Variants in SETDB1 observed in about 807,000 individuals in gnomAD.
SETDB1 encodes SET domain bifurcated histone lysine methyltransferase 1.
SETDB1 carries 31 observed loss-of-function variants against 137.4 expected under a neutral mutation model. That is an observed-to-expected ratio of 0.23 (90% CI 0.17 to 0.30). The LOEUF (loss-of-function observed/expected upper bound fraction) is 0.30. SETDB1 is among the 10% of genes least tolerant of loss of function. SETDB1 has a pLI of 1.00. For missense variants in SETDB1, 1,113 were observed against 1,631.5 expected (o/e 0.68, Z 5.47); for synonymous variants, 548 against 579.9 (o/e 0.95, Z 0.79).
intron 12 of SETDB1, among the ~76,000 whole-genome samples, 182 bp downstream of exon 12, chr1:150,949,707 G>T (rs1489398451): frequency 6.6e-6 from 1 of 152,124 alleles, no homozygotes; most frequent in Non-Finnish European, 1.5e-5. Flanking sequence ...TAATTGAATT[G>T]GAAGCTGGGT....
chr1:150,941,880 G>A (rs998830139), intron 5 of SETDB1, among the ~76,000 whole-genome samples: 8 of 152,162 alleles, frequency 5.3e-5, no homozygotes, highest in South Asian at 2.1e-4. Context: ...GGTGGCTCAC[G>A]CCTGTAATCC....
chr1:150,943,123 C>A, intron 7 of SETDB1, 70 bp downstream of exon 7: 3 of 1,052,844 alleles, frequency 2.8e-6, no homozygotes, highest in Non-Finnish European at 4.3e-6. Context: ...GTGCCATAGA[C>A]CAGATACCAC....
intron 16 of SETDB1, 112 bp downstream of exon 16, chr1:150,961,303 G>A: frequency 8.8e-7 from 1 of 1,140,758 alleles, no homozygotes; most frequent in East Asian, 2.6e-5. Context: ...GGATATTTCT[G>A]TGGCCACCTC....
intron 19 of SETDB1, 72 bp from the exon 20 acceptor site, chr1:150,963,458 A>G: frequency 1.6e-6 from 2 of 1,225,086 alleles, no homozygotes; most frequent in South Asian, 2.8e-5. Flanking sequence ...ATAGGGGTAG[A>G]ATGTCCATTC....
chr1:150,929,949 C>T lies in SETDB1; in HGVS notation c.261-18C>T. The T allele has an allele frequency of 6.2e-7, 1 of 1,608,084 alleles. No individual in the cohort carries two copies. Among genetic ancestry groups the T allele is most frequent in the East Asian group, 2.2e-5 (1 of 44,782 alleles). ...CCTCTACTGGCTTTGACCTTTTCTG[C>T]ATGTGTTCCAATATTAGGGCAGTGA... is the stretch of plus-strand genomic sequence containing the variant. On this transcript the variant is annotated intron_variant, in intron 2 of 21. Transcript: ENST00000692827.
chr1:150,944,262 T>C (rs1316069610), intron 8 of SETDB1, among the ~76,000 whole-genome samples: 1 of 152,198 alleles, frequency 6.6e-6, no homozygotes, highest in East Asian at 1.9e-4. Flanking sequence ...GTTATAGATG[T>C]GCTTCAATTT....
intron 3 of SETDB1, among the ~76,000 whole-genome samples, chr1:150,930,648 C>T (rs900875757): frequency 6.7e-6 from 1 of 149,708 alleles, no homozygotes; most frequent in Non-Finnish European, 1.5e-5. Context: ...CTGCTTCGAC[C>T]TCCCAACTAG....
chr1:150,961,026 T>C lies in SETDB1; in HGVS notation c.2967T>C (p.Asn989=). The part of the protein sequence containing the change: ...KNKVASWLSC[N]SVSEGGFADS... ...AGGTGGCCTCATGGTTGAGCTGCAA[T>C]AGTGTCAGTGAAGGTGGTTTTGCTG... Residue 989 remains asparagine, a synonymous_variant, in exon 16 of 22, where the codon AAT becomes AAC. Transcript: ENST00000692827. The C allele has an allele frequency of 6.2e-7, 1 of 1,613,828 alleles. No homozygotes were observed. The highest frequency in any genetic ancestry group is 8.5e-7 in the Non-Finnish European group (1 of 1,179,996).
chr1:150,957,268 T>G (rs1670671332), intron 14 of SETDB1, among the ~76,000 whole-genome samples: 1 of 152,158 alleles, frequency 6.6e-6, no homozygotes, highest in Non-Finnish European at 1.5e-5. Context: ...CTTGGGAGGC[T>G]GAGGCAGGAG....
intron 16 of SETDB1, chr1:150,961,787 G>C (rs1252578109): frequency 3.4e-6 from 1 of 293,284 alleles, no homozygotes; most frequent in Non-Finnish European, 6.4e-6. Context: ...TCACATCATT[G>C]TTTCCTTCTA....
chr1:150,930,957 G>A (rs1041015384), intron 3 of SETDB1, among the ~76,000 whole-genome samples: 4 of 151,740 alleles, frequency 2.6e-5, no homozygotes, highest in Non-Finnish European at 5.9e-5. Flanking sequence ...TCAGTACAGT[G>A]TTGAATAAGT....
chr1:150,936,887 G>A (rs890855629), intron 3 of SETDB1, among the ~76,000 whole-genome samples: 1 of 152,332 alleles, frequency 6.6e-6, no homozygotes, highest in Admixed American at 6.5e-5. Flanking sequence ...CACTTTGGGA[G>A]GCCGAGGCGG....
chr1:150,949,257 C>G lies in SETDB1; in HGVS notation c.1403C>G (p.Ser468Cys). 1.2e-6 allele frequency: 2 copies of G among 1,613,842 alleles called. No homozygotes were observed. Among genetic ancestry groups the G allele is most frequent in the Non-Finnish European group, 1.7e-6 (2 of 1,179,878 alleles). Residue 468 changes from serine (S) to cysteine (C), a missense_variant, in exon 11 of 22, where the codon TCC becomes TGC. Around this residue, in one of 11 missense-constraint regions of SETDB1, gnomAD observed 192 missense variants for 198.1 expected, o/e 0.97. Coordinates refer to ENST00000692827, the MANE Select transcript of SETDB1 (RefSeq NM_001366418.1). ...CCTTTCCCACCTGCTCCACCTCTATCCCCCCAAGCAGGTGACAGTGAGTGA... is the reference window on the plus strand; with the variant it reads ...CCTTTCCCACCTGCTCCACCTCTATGCCCCCAAGCAGGTGACAGTGAGTGA... ...APPFPPAPPL[S>C]PQAGDSESLE...
At chr1:150,951,269 C>T (rs1670483258) in intron 13 of SETDB1, 96 bp from the exon 14 acceptor site, 1 of 1,128,318 alleles carries the variant, frequency 8.9e-7, no homozygotes. Flanking sequence ...TGGAGTCTGA[C>T]ATGGCCACAC....
chr1:150,944,739 T>C (rs1198016372), intron 8 of SETDB1, among the ~76,000 whole-genome samples, 179 bp from the exon 9 acceptor site: 1 of 152,228 alleles, frequency 6.6e-6, no homozygotes. Context: ...TGTAAGTATG[T>C]ACAGTTTGTA....
rs1390226194 is a variant in SETDB1 at position 150,951,451 on chromosome 1, A to G, written c.2303A>G (p.Tyr768Cys). The G allele has an allele frequency of 5.6e-6, 9 of 1,610,218 alleles. No individual in the cohort carries two copies. The highest frequency in any genetic ancestry group is 3.3e-4 in the Middle Eastern group (2 of 6,072). Residue 768 changes from tyrosine to cysteine, a missense_variant, in exon 14 of 22, where the codon TAC becomes TGC. Physicochemically the swap from Tyr to Cys is radical, Grantham distance 194 (BLOSUM62 -2). Coordinates refer to ENST00000692827, the MANE Select transcript of SETDB1 (RefSeq NM_001366418.1). Reference sequence around the variant, plus strand: ...ATCAACCCTAACTCTGGCTACCAGTACAAGAGACTAGAAGAGTGTCTACCC... The same window carrying G: ...ATCAACCCTAACTCTGGCTACCAGTGCAAGAGACTAGAAGAGTGTCTACCC... ...GQINPNSGYQ[Y>C]KRLEECLPTG... is the part of the protein sequence containing the mutation.
At chr1:150,936,946 G>A (rs1293517173) in intron 3 of SETDB1, among the ~76,000 whole-genome samples, 3 of 152,112 alleles carry the variant, frequency 2.0e-5, no homozygotes, top group Admixed American at 1.3e-4. Flanking sequence ...CCAGTATGGC[G>A]AAATCCCATC....
chr1:150,953,241 G>A (rs1368631724), intron 14 of SETDB1, among the ~76,000 whole-genome samples: 1 of 152,078 alleles, frequency 6.6e-6, no homozygotes, highest in Admixed American at 6.6e-5. Context: ...AAAAATTGTT[G>A]GGGCTGGGCG....
intron 2 of SETDB1, 31 bp downstream of exon 2, chr1:150,928,005 C>G (rs1669592191): frequency 6.2e-7 from 1 of 1,605,216 alleles, no homozygotes; most frequent in East Asian, 2.2e-5. Flanking sequence ...AGAAGGAAAT[C>G]TCTCCATTGG....
Sources: allele counts gnomAD v4.1 joint callset (sites outside exome capture counted in the v4.1 genomes callset), GRCh38; gene constraint gnomAD v4.1.1; regional missense constraint gnomAD v4.1.1; transcripts MANE v1.5; gene names NCBI Gene and HGNC (gene_info 2026-07-23, HGNC 2026-07-21).